NXPH1: variants seen among roughly 807,000 people sequenced by gnomAD.
NXPH1 encodes neurexophilin 1.
NXPH1 carries 5 observed loss-of-function variants against 23.7 expected under a neutral mutation model. The observed-to-expected ratio is 0.21, with a 90% CI of 0.11 to 0.44. NXPH1 has a LOEUF of 0.44. Ranked by LOEUF, NXPH1 falls within the 20% of genes least tolerant of loss-of-function variation. The pLI is 0.99. For missense variants in NXPH1, 324 were observed against 321.6 expected, an observed-to-expected ratio of 1.01 and a Z score of -0.06; for synonymous variants, 144 against 122.2, an observed-to-expected ratio of 1.18 and a Z score of -1.18.
chr7:8,607,967 G>A lies in NXPH1; in HGVS notation c.55-143041G>A, dbSNP rs560550084. 1.5e-4 allele frequency among the ~76,000 whole-genome samples: 23 copies of A among 152,366 alleles called. 1 individual carries two copies. Among genetic ancestry groups the A allele is most frequent in the Admixed American group, 1.3e-3 (20 of 15,302 alleles). ...TGTGGCGATAGAAGTCAAGATCAGA[G>A]TGATGCAGCTGCAAGCCAAGGAATG... On this transcript the variant is annotated intron_variant, in intron 2 of 2. Coordinates refer to ENST00000405863, the MANE Select transcript of NXPH1 (RefSeq NM_152745.3).
intron 2 of NXPH1, among the ~76,000 whole-genome samples, chr7:8,627,324 T>G (rs1001703319): frequency 3.9e-5 from 6 of 152,148 alleles, no homozygotes; most frequent in African/African-American, 1.4e-4. Flanking sequence ...ATTAAGGCCA[T>G]ATATAGATAG....
intron 2 of NXPH1, among the ~76,000 whole-genome samples, chr7:8,555,466 A>G (rs1468525252): frequency 6.6e-6 from 1 of 151,672 alleles, no homozygotes; most frequent in African/African-American, 2.4e-5. Context: ...ACAGCAAGCC[A>G]GTTTGTAAAG....
At chr7:8,714,298 G>A (rs1012081087) in intron 2 of NXPH1, among the ~76,000 whole-genome samples, 7 of 151,868 alleles carry the variant, frequency 4.6e-5, no homozygotes, top group Non-Finnish European at 7.4e-5. Context: ...GGCTTGTGGT[G>A]GATGCTGACA....
At chr7:8,646,293 T>C (rs191541127) in intron 2 of NXPH1, among the ~76,000 whole-genome samples, 123 of 152,280 alleles carry the variant, frequency 8.1e-4, no homozygotes, top group African/African-American at 2.9e-3. Flanking sequence ...CCGTGAGTGG[T>C]AAATACAAGT....
At chr7:8,609,705 T>G (rs1819575209) in intron 2 of NXPH1, among the ~76,000 whole-genome samples, 1 of 152,164 alleles carries the variant, frequency 6.6e-6, no homozygotes, top group African/African-American at 2.4e-5. Context: ...TGGTTTTATG[T>G]GAGCAAAGAA....
intron 2 of NXPH1, among the ~76,000 whole-genome samples, chr7:8,731,686 A>C (rs530474026): frequency 8.7e-4 from 132 of 152,236 alleles, no homozygotes; most frequent in African/African-American, 2.4e-3. Flanking sequence ...GTTGAAGAGG[A>C]AGTCTGCCCG....
At chr7:8,580,955 A>C (rs762529878) in intron 2 of NXPH1, among the ~76,000 whole-genome samples, 14 of 152,158 alleles carry the variant, frequency 9.2e-5, no homozygotes, top group Non-Finnish European at 2.1e-4. Flanking sequence ...CAATTCTTCT[A>C]GTCCTCTAGT....
intron 2 of NXPH1, among the ~76,000 whole-genome samples, chr7:8,662,592 T>C (rs1477725267): frequency 3.3e-5 from 5 of 152,106 alleles, no homozygotes; most frequent in African/African-American, 1.2e-4. Flanking sequence ...GGACTTTCAA[T>C]TTTTTATCAA....
intron 2 of NXPH1, among the ~76,000 whole-genome samples, chr7:8,530,745 G>C (rs942535047): frequency 3.9e-5 from 6 of 152,202 alleles, no homozygotes; most frequent in Admixed American, 1.3e-4. Flanking sequence ...CTGCTGAGGA[G>C]CTCTGACTAC....
At chr7:8,450,488 C>T (rs1319590270) in intron 2 of NXPH1, among the ~76,000 whole-genome samples, 1 of 152,168 alleles carries the variant, frequency 6.6e-6, no homozygotes, top group Admixed American at 6.5e-5. Flanking sequence ...ACTTCCTTGA[C>T]AATATTTTAT....
chr7:8,575,799 T>C (rs1325315770), intron 2 of NXPH1, among the ~76,000 whole-genome samples: 1 of 152,086 alleles, frequency 6.6e-6, no homozygotes, highest in African/African-American at 2.4e-5. Context: ...CAAAGTTAGC[T>C]AGCTATGGCT....
chr7:8,674,566 G>C (rs1446059285), intron 2 of NXPH1, among the ~76,000 whole-genome samples: 2 of 152,126 alleles, frequency 1.3e-5, no homozygotes, highest in Non-Finnish European at 2.9e-5. Context: ...TCTGGAGGCA[G>C]AATGGAAACA....
chr7:8,540,469 T>C (rs79127644), intron 2 of NXPH1, among the ~76,000 whole-genome samples: 2,299 of 151,902 alleles, frequency 0.015, 63 homozygotes, highest in African/African-American at 0.053. Context: ...CCCTTACTTA[T>C]TGCCTTGAGA....
At chr7:8,647,689 T>C (rs552529277) in intron 2 of NXPH1, among the ~76,000 whole-genome samples, 1 of 152,036 alleles carries the variant, frequency 6.6e-6, no homozygotes, top group East Asian at 1.9e-4. Context: ...CAATATATTA[T>C]ATCCTACTCT....
chr7:8,723,952 A>G (rs1271197187), intron 2 of NXPH1, among the ~76,000 whole-genome samples: 1 of 152,234 alleles, frequency 6.6e-6, no homozygotes, highest in Admixed American at 6.5e-5. Context: ...TGTTGCATTG[A>G]CTTAGACTAC....
intron 2 of NXPH1, among the ~76,000 whole-genome samples, chr7:8,667,788 CTCT>C (rs747047608): frequency 6.6e-5 from 10 of 151,976 alleles, no homozygotes; most frequent in South Asian, 2.1e-4. Flanking sequence ...CTTTGTCTCT[CTCT>C]TCTTCTTCTT....
intron 2 of NXPH1, among the ~76,000 whole-genome samples, chr7:8,480,746 G>T (rs761339149): frequency 2.6e-5 from 4 of 152,076 alleles, no homozygotes; most frequent in Non-Finnish European, 4.4e-5. Flanking sequence ...CCCGGCAATT[G>T]TAAGAAGAAA....
At chr7:8,594,806 A>G (rs1187937791) in intron 2 of NXPH1, among the ~76,000 whole-genome samples, 1 of 152,040 alleles carries the variant, frequency 6.6e-6, no homozygotes, top group Non-Finnish European at 1.5e-5. Flanking sequence ...GCCGCTTCCA[A>G]TTGGCATTTT....
intron 2 of NXPH1, among the ~76,000 whole-genome samples, chr7:8,739,163 C>A (rs1188643368): frequency 1.9e-5 from 2 of 106,772 alleles, no homozygotes; most frequent in Non-Finnish European, 1.7e-5. Flanking sequence ...TTCCAGGCAC[C>A]AGTGGGGTAA....
Sources: gnomAD v4.1 joint callset for allele counts (sites outside exome capture counted in the v4.1 genomes callset) on GRCh38, gnomAD v4.1.1 for gene constraint, MANE v1.5 for transcripts, NCBI Gene and HGNC (gene_info 2026-07-23, HGNC 2026-07-21) for gene names.